The following WDR88 variants were observed in gnomAD, a reference collection of about 807,000 sequenced individuals.
WDR88 encodes the protein WD repeat-containing protein 88.
Under a neutral mutation model 46.8 loss-of-function variants are expected in WDR88, and 40 were observed. That is an observed-to-expected ratio of 0.86 (90% confidence interval 0.66 to 1.11). WDR88 has a LOEUF of 1.11. Among genes scored for constraint, WDR88 ranks in the 50% most tolerant of loss-of-function variants. The pLI, the probability that WDR88 is intolerant of heterozygous loss-of-function variation, is 0.00. For synonymous variants in WDR88, 235 were observed against 240.7 expected, an observed-to-expected ratio of 0.98 and a Z score of 0.22; for missense variants, 562 against 602.4, an observed-to-expected ratio of 0.93 and a Z score of 0.70.
chr19:33,141,054 A>G (rs1241433982), intron 2 of WDR88, among the ~76,000 whole-genome samples: 1 of 149,352 alleles, frequency 6.7e-6, no homozygotes, highest in African/African-American at 2.5e-5. Flanking sequence ...CTCCCATCTC[A>G]GCCTCCCAAG....
At chr19:33,174,244 G>A in intron 10 of WDR88, 1 of 1,536,360 alleles carries the variant, frequency 6.5e-7, no homozygotes, top group Non-Finnish European at 8.7e-7. Flanking sequence ...GACTTGCTCT[G>A]AATCAATCAA....
chr19:33,139,953 C>T (rs908870849), intron 2 of WDR88, among the ~76,000 whole-genome samples: 1 of 152,126 alleles, frequency 6.6e-6, no homozygotes, highest in African/African-American at 2.4e-5. Context: ...CCTGGGCCTC[C>T]CTGGGTCTGC....
chr19:33,173,974 C>A (rs905170238), intron 10 of WDR88, among the ~76,000 whole-genome samples: 31 of 152,306 alleles, frequency 2.0e-4, no homozygotes, highest in Middle Eastern at 3.4e-3. Context: ...CCTCAGCCTC[C>A]CGAGTAGCTG....
chr19:33,174,167 T>C (rs1974086549), intron 10 of WDR88: 1 of 1,536,000 alleles, frequency 6.5e-7, no homozygotes, highest in African/African-American at 1.4e-5. Context: ...ATCTAATCTA[T>C]TTCTTGCAAA....
intron 3 of WDR88, among the ~76,000 whole-genome samples, chr19:33,145,904 T>C (rs1241269624): frequency 1.3e-5 from 2 of 152,228 alleles, no homozygotes; most frequent in African/African-American, 4.8e-5. Context: ...AGGATACATT[T>C]ATGTTTTTTT....
chr19:33,169,454 GAA>G (rs1326408626), intron 9 of WDR88, among the ~76,000 whole-genome samples: 1 of 152,134 alleles, frequency 6.6e-6, no homozygotes, highest in African/African-American at 2.4e-5. Flanking sequence ...TTTCTCCAAA[GAA>G]GATATACAAA....
rs1019567087 is a variant in WDR88, at chr19:33,134,628, A to C, written c.276+2183A>C. On this transcript the variant is annotated intron_variant, in intron 1 of 10. Coordinates refer to ENST00000355868, the MANE Select transcript of WDR88 (RefSeq NM_173479.4). ...GGGCCGCGCAGGTCATGTCCCGGGG[A>C]CTGGGGCCGCTCCTGGGGTAGGGAG... 5.3e-5 allele frequency among the ~76,000 whole-genome samples: 8 copies of C among 151,990 alleles called. 1 individual carries two copies. The highest frequency in any genetic ancestry group is 1.9e-4 in the African/African-American group (8 of 41,460).
At chr19:33,165,376 C>A (rs758044983) in intron 9 of WDR88, among the ~76,000 whole-genome samples, 1 of 151,660 alleles carries the variant, frequency 6.6e-6, no homozygotes, top group African/African-American at 2.4e-5. Flanking sequence ...AAACAACAAA[C>A]CCATAATAAT....
chr19:33,146,550 C>T (rs543761967), intron 3 of WDR88, among the ~76,000 whole-genome samples: 4 of 151,676 alleles, frequency 2.6e-5, no homozygotes, highest in Non-Finnish European at 2.9e-5. Context: ...TTTGATGGAG[C>T]CTCTCCTGCC....
At chr19:33,169,971 G>A (rs1169558999) in intron 9 of WDR88, among the ~76,000 whole-genome samples, 4 of 151,988 alleles carry the variant, frequency 2.6e-5, no homozygotes, top group African/African-American at 7.3e-5. Flanking sequence ...TCCGCCTCCC[G>A]GGTTCAAGTG....
chr19:33,149,525 G>C (rs1295128882), intron 5 of WDR88, among the ~76,000 whole-genome samples: 2 of 152,058 alleles, frequency 1.3e-5, no homozygotes, highest in Admixed American at 1.3e-4. Flanking sequence ...AACATTAACA[G>C]AGTTAACATT....
At chr19:33,169,641 A>G (rs1974004126) in intron 9 of WDR88, among the ~76,000 whole-genome samples, 1 of 135,614 alleles carries the variant, frequency 7.4e-6, no homozygotes, top group African/African-American at 2.7e-5. Context: ...TGCCTGACTG[A>G]TGGTGACAGA....
intron 10 of WDR88, chr19:33,174,087 A>C (rs1253511368): frequency 7.3e-7 from 1 of 1,377,032 alleles, no homozygotes; most frequent in Non-Finnish European, 9.9e-7. Context: ...CCTGAGCTCA[A>C]GTGATCCGCC....
In WDR88 at chr19:33,151,294, C is replaced by A; in HGVS notation, c.793C>A (p.Leu265Met). 6.2e-7 allele frequency: 1 copy of A among 1,613,248 alleles called. No homozygotes were observed. The change falls in exon 6 of 11, where the codon CTG becomes ATG. Residue 265 changes from leucine to methionine, a missense_variant. Leu to Met is a conservative substitution (Grantham distance 15). Transcript: ENST00000355868. ...CTGGGATGTTACATCCCAGGCCACG[C>A]TGCTCACCATCACTAAGTGAGTTGG... is the stretch of plus-strand genomic sequence containing the variant. Reference protein sequence around the residue: ...KIWDVTSQATLLTITKAHSNA... With the variant: ...KIWDVTSQATMLTITKAHSNA...
At chr19:33,166,338 C>T (rs1478310544) in intron 9 of WDR88, among the ~76,000 whole-genome samples, 4 of 150,544 alleles carry the variant, frequency 2.7e-5, no homozygotes, top group Non-Finnish European at 5.9e-5. Context: ...GTCTGTAATC[C>T]CAGCACTTTG....
In WDR88 at chr19:33,132,198, C is replaced by A. The variant is rs766752473; in HGVS notation, c.29C>A (p.Thr10Lys). 1 of 1,604,632 alleles carries A rather than the reference C, an allele frequency of 6.2e-7. No homozygotes were observed. The highest frequency in any genetic ancestry group is 2.2e-5 in the East Asian group (1 of 44,778). The change falls in exon 1 of 11, where the codon ACA becomes AAA. Residue 10 changes from threonine (T) to lysine (K), a missense_variant. Coordinates refer to ENST00000355868, the MANE Select transcript of WDR88 (RefSeq NM_173479.4). ...GCCTCCCCGCCGCGGTGCTCCCCGA[C>A]AGCCCATGACAGGGAATGCAAGTTG... MASPPRCSPTAHDRECKLPP... is the reference protein window; with the variant it reads MASPPRCSPKAHDRECKLPP...
At chr19:33,161,097 C>T (rs148898807) in intron 8 of WDR88, among the ~76,000 whole-genome samples, 8,093 of 152,114 alleles carry the variant, frequency 0.053, 299 homozygotes, top group African/African-American at 0.095. Flanking sequence ...CGCTTGAACC[C>T]GGGAGGCGGA....
intron 5 of WDR88, among the ~76,000 whole-genome samples, chr19:33,150,201 C>T (rs987395377): frequency 1.3e-5 from 2 of 152,104 alleles, no homozygotes; most frequent in South Asian, 2.1e-4. Flanking sequence ...CCTGTAATCC[C>T]AGCACTTTGG....
chr19:33,175,729 T>A lies in WDR88; in HGVS notation c.*157T>A. 4.1e-6 allele frequency: 3 copies of A among 723,754 alleles called. No individual in the cohort carries two copies. The highest frequency in any genetic ancestry group is 4.0e-4 in the Middle Eastern group (1 of 2,524). 44.8% of individuals were successfully genotyped at this position (723,754 alleles called of 1,614,324 possible). A position where few individuals can be genotyped will look rare whatever the true frequency, so the allele number is the denominator to read the frequency against. On this transcript the variant is annotated 3_prime_UTR_variant, in exon 11 of 11. Coordinates refer to ENST00000355868, the MANE Select transcript of WDR88 (RefSeq NM_173479.4). ...TGGCTGGACTCAGCACAGTGCCACC[T>A]CCTCAGCTCTCAGCTTGGGGAGTGA...
Sources: allele counts gnomAD v4.1 joint callset (sites outside exome capture counted in the v4.1 genomes callset), GRCh38; gene constraint gnomAD v4.1.1; transcripts MANE v1.5; gene names NCBI Gene and HGNC (gene_info 2026-07-23, HGNC 2026-07-21).